The following SLC25A13 variants were observed in gnomAD, a reference collection of about 807,000 sequenced individuals.
SLC25A13 encodes electrogenic aspartate/glutamate antiporter SLC25A13, mitochondrial.
In SLC25A13, 70 loss-of-function variants were observed where a neutral mutation model predicts 85.5. The ratio of observed to expected loss-of-function variants is 0.82; its 90% CI spans 0.68 to 1.00. SLC25A13 has a LOEUF of 1.00. SLC25A13 is among the 50% of genes least tolerant of loss of function. The pLI, the probability that SLC25A13 is intolerant of heterozygous loss-of-function variation, is 0.00. For synonymous variants in SLC25A13, 259 were observed against 288.7 expected (o/e 0.90, Z 1.04); for missense variants, 765 against 819.8 (o/e 0.93, Z 0.82).
intron 2 of SLC25A13, among the ~76,000 whole-genome samples, chr7:96,279,257 T>C (rs1016603320): frequency 6.6e-6 from 1 of 152,246 alleles, no homozygotes; most frequent in African/African-American, 2.4e-5. Flanking sequence ...AGTTTGATAT[T>C]TTTATATAAT....
intron 1 of SLC25A13, among the ~76,000 whole-genome samples, chr7:96,320,618 G>A (rs1800304547): frequency 1.3e-5 from 2 of 152,126 alleles, no homozygotes; most frequent in Non-Finnish European, 2.9e-5. Flanking sequence ...AAAAGTTATA[G>A]ATAGATATAC....
At chr7:96,293,161 C>A (rs1391898881) in intron 2 of SLC25A13, among the ~76,000 whole-genome samples, 1 of 152,068 alleles carries the variant, frequency 6.6e-6, no homozygotes, top group Non-Finnish European at 1.5e-5. Flanking sequence ...ACAAACCTGA[C>A]AAAAACAAGA....
intron 1 of SLC25A13, 114 bp downstream of exon 1, chr7:96,321,828 C>A: frequency 7.6e-7 from 1 of 1,312,364 alleles, no homozygotes; most frequent in Non-Finnish European, 1.0e-6. Flanking sequence ...GGCTGCCCGG[C>A]ACCCCATTTT....
rs574290644 is a variant in SLC25A13 at position 96,159,855 on chromosome 7, G to A, written c.1311+10190C>T. Among the ~76,000 whole-genome samples, 55 of 152,126 alleles carry A rather than the reference G, an allele frequency of 3.6e-4. 1 individual carries two copies. The highest frequency in any genetic ancestry group is 3.4e-3 in the Middle Eastern group (1 of 294). On this transcript the variant is annotated intron_variant, in intron 13 of 17. Coordinates refer to ENST00000265631, the MANE Select transcript of SLC25A13 (RefSeq NM_014251.3). ...CCTAGTCCTAATTTCTTAACCACAC[G>A]GTAAGGCAGAAAAAGGCTATTCTGT...
At chr7:96,297,811 G>C (rs1484665624) in intron 1 of SLC25A13, among the ~76,000 whole-genome samples, 1 of 152,144 alleles carries the variant, frequency 6.6e-6, no homozygotes, top group Non-Finnish European at 1.5e-5. Flanking sequence ...CCAAAGGTAT[G>C]ATATTATTCT....
chr7:96,166,463 T>C (rs1406380549), intron 13 of SLC25A13, among the ~76,000 whole-genome samples: 2 of 152,180 alleles, frequency 1.3e-5, no homozygotes, highest in Non-Finnish European at 2.9e-5. Flanking sequence ...TTAATCATCA[T>C]ATTTATATTT....
chr7:96,292,370 A>G (rs926302156), intron 2 of SLC25A13, among the ~76,000 whole-genome samples: 2 of 152,210 alleles, frequency 1.3e-5, no homozygotes, highest in Non-Finnish European at 2.9e-5. Context: ...AAACTGGCAC[A>G]AGACAAGGAT....
intron 11 of SLC25A13, among the ~76,000 whole-genome samples, chr7:96,179,155 T>C (rs1200190811): frequency 2.0e-5 from 3 of 152,220 alleles, no homozygotes; most frequent in Non-Finnish European, 4.4e-5. Context: ...TGGGGCTTTC[T>C]AGAAGTAAAG....
chr7:96,239,817 G>A (rs755490303), intron 3 of SLC25A13, among the ~76,000 whole-genome samples: 1 of 152,128 alleles, frequency 6.6e-6, no homozygotes, highest in Non-Finnish European at 1.5e-5. Flanking sequence ...AAGCATTAGA[G>A]CTGCTGTTCT....
intron 12 of SLC25A13, among the ~76,000 whole-genome samples, chr7:96,170,815 TG>T (rs1317269077): frequency 6.6e-6 from 1 of 152,214 alleles, no homozygotes; most frequent in African/African-American, 2.4e-5. Context: ...TTTTACTTTC[TG>T]GGGCTTTGTG....
intron 5 of SLC25A13, among the ~76,000 whole-genome samples, chr7:96,195,097 A>G (rs1418431972): frequency 6.6e-6 from 1 of 152,228 alleles, no homozygotes; most frequent in Middle Eastern, 3.4e-3. Flanking sequence ...TCCCATATTC[A>G]AGTCTCATTC....
At chr7:96,216,855 T>A (rs1795919201) in intron 4 of SLC25A13, among the ~76,000 whole-genome samples, 2 of 151,722 alleles carry the variant, frequency 1.3e-5, no homozygotes, top group African/African-American at 4.9e-5. Context: ...TGACACAAGT[T>A]TACCTATATA....
At chr7:96,129,477 C>T (rs980209668) in intron 15 of SLC25A13, among the ~76,000 whole-genome samples, 1 of 151,914 alleles carries the variant, frequency 6.6e-6, no homozygotes, top group African/African-American at 2.4e-5. Flanking sequence ...AAAAAAATAA[C>T]TGATTCAACA....
At chr7:96,201,511 CAA>C (rs11448108) in intron 5 of SLC25A13, among the ~76,000 whole-genome samples, 1 of 124,608 alleles carries the variant, frequency 8.0e-6, no homozygotes, top group Non-Finnish European at 1.6e-5. Context: ...GACTCTGTCT[CAA>C]AAAAAAAAAA....
At chr7:96,168,631 T>C (rs1793870649) in intron 13 of SLC25A13, among the ~76,000 whole-genome samples, 1 of 152,196 alleles carries the variant, frequency 6.6e-6, no homozygotes, top group Non-Finnish European at 1.5e-5. Context: ...CTGGGCACCA[T>C]GCCATGATGA....
intron 1 of SLC25A13, among the ~76,000 whole-genome samples, chr7:96,297,185 T>C (rs1446921297): frequency 6.6e-6 from 1 of 152,216 alleles, no homozygotes; most frequent in Non-Finnish European, 1.5e-5. Context: ...AATCTCTTAA[T>C]ATCTAATGTT....
intron 4 of SLC25A13, among the ~76,000 whole-genome samples, chr7:96,216,806 A>G (rs1236877624): frequency 6.6e-6 from 1 of 152,166 alleles, no homozygotes; most frequent in African/African-American, 2.4e-5. Context: ...ACTAGGCTTA[A>G]TATCTGAGTG....
intron 11 of SLC25A13, among the ~76,000 whole-genome samples, chr7:96,180,480 C>A (rs1356137818): frequency 2.0e-5 from 3 of 152,294 alleles, no homozygotes; most frequent in Non-Finnish European, 4.4e-5. Flanking sequence ...ACAGGCCCGC[C>A]ATTATGCCCA....
At chr7:96,236,142 A>G (rs1796732936) in intron 3 of SLC25A13, among the ~76,000 whole-genome samples, 1 of 152,234 alleles carries the variant, frequency 6.6e-6, no homozygotes, top group Non-Finnish European at 1.5e-5. Context: ...CCCAATTACA[A>G]TAATGCTACA....
Sources: gnomAD v4.1 joint callset for allele counts (sites outside exome capture counted in the v4.1 genomes callset) on GRCh38, gnomAD v4.1.1 for gene constraint, MANE v1.5 for transcripts, NCBI Gene and HGNC (gene_info 2026-07-23, HGNC 2026-07-21) for gene names.